The following FAM133A variants were observed in gnomAD, a reference collection of about 807,000 sequenced individuals.
The protein encoded by FAM133A is protein FAM133A.
For missense variants in FAM133A, 159 were observed against 164.4 expected (o/e 0.97, Z 0.18); for synonymous variants, 65 against 58.6 (o/e 1.11, Z -0.50).
chrX:93,681,526 A>C (rs1925156655), intron 2 of FAM133A, among the ~76,000 whole-genome samples: 1 of 111,930 alleles, frequency 8.9e-6, no homozygotes, highest in Admixed American at 9.5e-5. Context: ...CTAATGCTTC[A>C]GCAAATCTAG....
At chrX:93,677,729 C>T (rs1307542023) in intron 2 of FAM133A, among the ~76,000 whole-genome samples, 1 of 111,210 alleles carries the variant, frequency 9.0e-6, no homozygotes, top group Admixed American at 9.5e-5. Flanking sequence ...TGAAATTTAC[C>T]CATGTTGTTG....
intron 2 of FAM133A, among the ~76,000 whole-genome samples, chrX:93,695,898 C>A (rs1926227440): frequency 9.1e-6 from 1 of 110,413 alleles, no homozygotes; most frequent in African/African-American, 3.3e-5. Flanking sequence ...CCCACCTTAG[C>A]CTCCCAAAGT....
chrX:93,687,603 T>A, intron 2 of FAM133A, among the ~76,000 whole-genome samples: 1 of 112,148 alleles, frequency 8.9e-6, no homozygotes, highest in East Asian at 2.8e-4. Context: ...TATATAATGA[T>A]CAACTAGGGC....
chrX:93,707,112 A>T (rs987165103), intron 3 of FAM133A, among the ~76,000 whole-genome samples: 2 of 112,176 alleles, frequency 1.8e-5, no homozygotes, highest in Non-Finnish European at 3.8e-5. Flanking sequence ...ATTAGAATGG[A>T]TTATTCTATT....
At position 93,698,317 on chromosome X, in the gene FAM133A, T is replaced by G. The variant is rs760845689; in HGVS notation, c.-192-80T>G. ...TTTTTGTTACTCTAAGTTTTAGTTC[T>G]GTAACCTAAAACTTACTGCCATGTT... On this transcript the variant is annotated intron_variant, in intron 2 of 3. Coordinates refer to ENST00000683942, the MANE Select transcript of FAM133A (RefSeq NM_001171109.2). 6.2e-5 allele frequency: 7 copies of G among 112,192 alleles called. No individual in the cohort carries two copies. The East Asian group carries it at 2.0e-3, about 32-fold the overall frequency. The allele number at this position is 112,192 out of a possible 1,213,427, so 9.2% of individuals were successfully genotyped here.
intron 2 of FAM133A, among the ~76,000 whole-genome samples, chrX:93,675,785 T>C (rs1042168374): frequency 8.1e-5 from 9 of 111,518 alleles, no homozygotes; most frequent in African/African-American, 2.9e-4. Flanking sequence ...TGGTAGAGGA[T>C]TGTAGTATAA....
At chrX:93,701,194 T>A (rs1159236839) in intron 3 of FAM133A, among the ~76,000 whole-genome samples, 1 of 112,018 alleles carries the variant, frequency 8.9e-6, no homozygotes, top group East Asian at 2.8e-4. Context: ...AAAATGTAGA[T>A]GAAATTATAA....
intron 2 of FAM133A, among the ~76,000 whole-genome samples, chrX:93,694,153 A>G (rs1301200793): frequency 1.8e-5 from 2 of 111,198 alleles, no homozygotes; most frequent in Non-Finnish European, 3.8e-5. Flanking sequence ...AAAAATGTCA[A>G]TATTACTGAG....
intron 2 of FAM133A, among the ~76,000 whole-genome samples, chrX:93,695,489 G>C (rs1926176240): frequency 9.1e-6 from 1 of 109,891 alleles, no homozygotes; most frequent in African/African-American, 3.3e-5. Flanking sequence ...CTGGCCTCAG[G>C]TGATCTGCCC....
At chrX:93,691,945 C>T (rs1423840780) in intron 2 of FAM133A, among the ~76,000 whole-genome samples, 1 of 110,956 alleles carries the variant, frequency 9.0e-6, no homozygotes, top group Non-Finnish European at 1.9e-5. Context: ...CTATTCTTAT[C>T]CAAAAGGCAG....
intron 2 of FAM133A, among the ~76,000 whole-genome samples, chrX:93,689,311 GGA>G (rs1925742159): frequency 1.8e-5 from 2 of 110,642 alleles, no homozygotes; most frequent in Non-Finnish European, 3.8e-5. Context: ...CAAAGTGCTG[GGA>G]TTACAGGCAT....
At chrX:93,695,634 CTTTTTTTTT>C (rs759503397) in intron 2 of FAM133A, among the ~76,000 whole-genome samples, 1 of 48,369 alleles carries the variant, frequency 2.1e-5, no homozygotes, top group Non-Finnish European at 3.6e-5. Context: ...CAGGAATCTG[CTTTTTTTTT>C]TTTTTTTTTT....
Position 93,710,097 on chromosome X carries a change from G to A in FAM133A, c.678G>A (p.Lys226=), listed in dbSNP as rs754447873. Residue 226 remains lysine (K), a synonymous_variant, in exon 4 of 4, where the codon AAG becomes AAA. Coordinates refer to ENST00000683942, the MANE Select transcript of FAM133A (RefSeq NM_001171109.2). ...CAAAGGAAAAAGTAAAGAAGAAGAA[G>A]AAGAAACAGCACAAGAAACATAGTA... ...EQAKEKVKKK[K]KKQHKKHSKK... is the part of the protein sequence containing the mutation. 1.1e-4 allele frequency: 132 copies of A among 1,195,202 alleles called. 2 individuals are homozygous for A. The South Asian group carries it at 2.3e-3, about 21-fold the overall frequency.
At chrX:93,685,783 C>T (rs1456121412) in intron 2 of FAM133A, among the ~76,000 whole-genome samples, 1 of 111,467 alleles carries the variant, frequency 9.0e-6, no homozygotes, top group Admixed American at 9.6e-5. Flanking sequence ...ACCTCAAGCT[C>T]TCTTGCTTCC....
At chrX:93,705,097 A>G (rs775858225) in intron 3 of FAM133A, among the ~76,000 whole-genome samples, 1 of 110,953 alleles carries the variant, frequency 9.0e-6, no homozygotes, top group East Asian at 2.8e-4. Context: ...ATGATTATAT[A>G]CTCATTTGTT....
intron 2 of FAM133A, among the ~76,000 whole-genome samples, chrX:93,677,942 G>T (rs1924834757): frequency 9.0e-6 from 1 of 111,706 alleles, no homozygotes; most frequent in Non-Finnish European, 1.9e-5. Context: ...GGAATGACTG[G>T]ATCACATGGT....
intron 2 of FAM133A, among the ~76,000 whole-genome samples, chrX:93,679,061 C>T (rs1364938819): frequency 9.0e-6 from 1 of 111,114 alleles, no homozygotes; most frequent in African/African-American, 3.3e-5. Context: ...TGTGGAGTTG[C>T]CAGTGTGTAG....
Position 93,711,699 on chromosome X carries a change from G to T in FAM133A, c.*1533G>T, listed in dbSNP as rs762444977. On this transcript the variant is annotated 3_prime_UTR_variant, in exon 4 of 4. Coordinates refer to ENST00000683942, the MANE Select transcript of FAM133A (RefSeq NM_001171109.2). ...AAAAAACATCTACATAAACATGTTG[G>T]CTGCCAAATTTTTTGCATTGGAAAT... The T allele has an allele frequency of 5.7e-5, 7 of 122,308 alleles. No individual in the cohort carries two copies. Among genetic ancestry groups the T allele is most frequent in the African/African-American group, 2.3e-4 (7 of 30,618 alleles). The allele number at this position is 122,308 out of a possible 1,213,427, so 10.1% of individuals were successfully genotyped here.
At chrX:93,681,258 T>C (rs1925128445) in intron 2 of FAM133A, among the ~76,000 whole-genome samples, 1 of 107,494 alleles carries the variant, frequency 9.3e-6, no homozygotes, top group African/African-American at 3.4e-5. Context: ...TATATGTATA[T>C]ATCTTATATG....
Sources: gnomAD v4.1 joint callset for allele counts (sites outside exome capture counted in the v4.1 genomes callset) on GRCh38, gnomAD v4.1.1 for gene constraint, MANE v1.5 for transcripts, NCBI Gene and HGNC (gene_info 2026-07-23, HGNC 2026-07-21) for gene names.